The following MAPK8IP3 variants were observed in gnomAD, a reference collection of about 807,000 sequenced individuals.
MAPK8IP3 encodes C-Jun-amino-terminal kinase-interacting protein 3.
In MAPK8IP3, 49 loss-of-function variants were observed where a neutral mutation model predicts 157.8. That is an observed-to-expected ratio of 0.31 (90% CI 0.25 to 0.39). MAPK8IP3 has a LOEUF of 0.39. MAPK8IP3 is among the 10% of genes least tolerant of loss of function. The pLI, the probability that MAPK8IP3 is intolerant of heterozygous loss-of-function variation, is 1.00. For missense variants in MAPK8IP3, 1,478 were observed against 1,889.4 expected (o/e 0.78, Z 4.04); for synonymous variants, 897 against 777.7 (o/e 1.15, Z -2.55).
chr16:1,767,961 G>T (rs1462103406), intron 28 of MAPK8IP3, 43 bp downstream of exon 28: 13 of 1,607,174 alleles, frequency 8.1e-6, no homozygotes, highest in Admixed American at 1.7e-5. Context: ...TGCTGCCAGA[G>T]GTGTACGTGG....
chr16:1,768,702 G>A lies in MAPK8IP3; in HGVS notation c.3893-1G>A. 1.2e-6 allele frequency: 2 copies of A among 1,612,130 alleles called. No individual in the cohort carries two copies. Among genetic ancestry groups the A allele is most frequent in the Non-Finnish European group, 1.7e-6 (2 of 1,179,450 alleles). On this transcript the variant is annotated splice_acceptor_variant, in intron 31 of 31. Transcript: ENST00000610761. LOFTEE classifies it high-confidence loss of function. ...CCGTCACTCTGCTGCTTTGCCCGCAGGAGACGGAGAGGACGACGAGACGGA... is the reference window on the plus strand; with the variant it reads ...CCGTCACTCTGCTGCTTTGCCCGCAAGAGACGGAGAGGACGACGAGACGGA...
At chr16:1,729,914 T>C (rs1339337826) in intron 4 of MAPK8IP3, among the ~76,000 whole-genome samples, 1 of 152,234 alleles carries the variant, frequency 6.6e-6, no homozygotes, top group Non-Finnish European at 1.5e-5. Context: ...CGCTAAAATA[T>C]ATCTGTGACC....
At chr16:1,763,045 G>A (rs1015216136) in intron 16 of MAPK8IP3, 39 bp downstream of exon 16, 2 of 1,609,212 alleles carry the variant, frequency 1.2e-6, no homozygotes, top group Non-Finnish European at 1.7e-6. Context: ...CCTGCAATGG[G>A]GTTGGGGAGG....
intron 8 of MAPK8IP3, among the ~76,000 whole-genome samples, chr16:1,757,616 C>T (rs1196044894): frequency 6.6e-6 from 1 of 152,208 alleles, no homozygotes; most frequent in Non-Finnish European, 1.5e-5. Flanking sequence ...TCTCTCTGCC[C>T]TCCACAGTGG....
At position 1,766,611 on chromosome 16, in the gene MAPK8IP3, G is replaced by A; in HGVS notation, c.2902G>A (p.Ala968Thr). ...GGACCCCACGGGAGCAGGCAGCAGTGCTGCACCCACCATGTGGCTGGGAGC... is the reference window on the plus strand; with the variant it reads ...GGACCCCACGGGAGCAGGCAGCAGTACTGCACCCACCATGTGGCTGGGAGC... ...SGDPTGAGSS[A>T]APTMWLGAQN... Residue 968 changes from alanine (A) to threonine (T), a missense_variant, in exon 23 of 32, where the codon GCT becomes ACT. Transcript: ENST00000610761. The A allele has an allele frequency of 6.2e-7, 1 of 1,612,452 alleles. No individual in the cohort carries two copies.
In MAPK8IP3 at chr16:1,768,918, C is replaced by A; in HGVS notation, c.*94C>A. On this transcript the variant is annotated 3_prime_UTR_variant, in exon 32 of 32. Transcript: ENST00000610761. ...GGGTAGCCAGCCAGGCGCCGCCGCC[C>A]CTCTTCTAACCTCTCAACCTGCAGC... is the stretch of plus-strand genomic sequence containing the variant. The A allele has an allele frequency of 7.2e-7, 1 of 1,394,970 alleles. No homozygotes were observed. Among genetic ancestry groups the A allele is most frequent in the Non-Finnish European group, 9.8e-7 (1 of 1,020,248 alleles). 86.4% of individuals were successfully genotyped at this position (1,394,970 alleles called of 1,614,324 possible). A position where few individuals can be genotyped will look rare whatever the true frequency, so the allele number is the denominator to read the frequency against.
chr16:1,754,958 C>G (rs140086151), intron 8 of MAPK8IP3, among the ~76,000 whole-genome samples: 2 of 152,154 alleles, frequency 1.3e-5, no homozygotes, highest in Non-Finnish European at 2.9e-5. Flanking sequence ...CACAGGAATC[C>G]GTTCATTACC....
chr16:1,706,887 G>C lies in MAPK8IP3; in HGVS notation c.318+230G>C, dbSNP rs2037431890. Among the ~76,000 whole-genome samples, 1 of 45,208 alleles carries C rather than the reference G, an allele frequency of 2.2e-5. No homozygotes were observed. Among genetic ancestry groups the C allele is most frequent in the Non-Finnish European group, 4.1e-5 (1 of 24,670 alleles). The allele number at this position is 45,208 out of a possible 152,430, so 29.7% of individuals were successfully genotyped here. A position where few individuals can be genotyped will look rare whatever the true frequency, so the allele number is the denominator to read the frequency against. On this transcript the variant is annotated intron_variant, in intron 1 of 31. Transcript: ENST00000610761. The surrounding 1 kb of genome is among the most constrained non-coding windows in gnomAD (Gnocchi z 5.1). ...AGACACCTCCCTAGAGCACTCCCCC[G>C]CCTGCCCCGGGACCCCACCCCGACT...
chr16:1,762,677 C>T lies in MAPK8IP3; in HGVS notation c.1673C>T (p.Ala558Val), dbSNP rs761016475. The T allele has an allele frequency of 4.5e-6, 7 of 1,552,066 alleles. No individual in the cohort carries two copies. Among genetic ancestry groups the T allele is most frequent in the African/African-American group, 2.7e-5 (2 of 73,296 alleles). The change falls in exon 15 of 32, where the codon GCG (alanine) becomes GTG (valine). Residue 558 changes from alanine to valine, a missense_variant and splice_region_variant. By Grantham distance (64) the Ala-to-Val change is moderately conservative. Coordinates refer to ENST00000610761, the MANE Select transcript of MAPK8IP3 (RefSeq NM_001318852.2). ...EAVRWTEMIR[A>V]SREHPSVQEK... is the part of the protein sequence containing the mutation. Reference sequence around the variant, plus strand: ...GCTCCCTGTGCCCTCCCCTGCAGAGCGTCCCGAGAGCACCCATCCGTCCAG... The same window carrying T: ...GCTCCCTGTGCCCTCCCCTGCAGAGTGTCCCGAGAGCACCCATCCGTCCAG...
chr16:1,746,997 T>C (rs1313224149), intron 5 of MAPK8IP3, 32 bp from the exon 6 acceptor site: 1 of 1,607,276 alleles, frequency 6.2e-7, no homozygotes, highest in Admixed American at 1.7e-5. Context: ...CTGCAGTGAC[T>C]CGCTCTCCCT....
intron 7 of MAPK8IP3, 97 bp from the exon 8 acceptor site, chr16:1,748,505 A>G: frequency 8.4e-7 from 1 of 1,187,458 alleles, no homozygotes. Context: ...TGGGCATTGA[A>G]TGGCCACGGT....
chr16:1,748,391 T>G, intron 7 of MAPK8IP3, 45 bp downstream of exon 7: 1 of 1,520,026 alleles, frequency 6.6e-7, no homozygotes, highest in East Asian at 2.3e-5. Context: ...GCTCAGTATT[T>G]ATCCAAGTCG....
chr16:1,766,677 G>A, intron 23 of MAPK8IP3, 29 bp downstream of exon 23: 1 of 1,612,514 alleles, frequency 6.2e-7, no homozygotes, highest in African/African-American at 1.3e-5. Context: ...AAGGTGGAGG[G>A]AGGGTCCTGG....
At chr16:1,762,280 C>A in intron 13 of MAPK8IP3, 71 bp from the exon 14 acceptor site, 1 of 1,490,380 alleles carries the variant, frequency 6.7e-7, no homozygotes, top group Non-Finnish European at 8.9e-7. Context: ...TACGTGTAGG[C>A]ACCCCAGGAG....
intron 4 of MAPK8IP3, among the ~76,000 whole-genome samples, chr16:1,735,982 C>T (rs55919020): frequency 1.5e-5 from 2 of 130,666 alleles, no homozygotes; most frequent in African/African-American, 5.8e-5. Flanking sequence ...GTGTGACCGT[C>T]CATGTGAGCA....
Position 1,742,127 on chromosome 16 carries a change from G to A in MAPK8IP3, c.603-1205G>A, listed in dbSNP as rs1410575790. On this transcript the variant is annotated intron_variant, in intron 4 of 31. Coordinates refer to ENST00000610761, the MANE Select transcript of MAPK8IP3 (RefSeq NM_001318852.2). The surrounding 1 kb of genome is among the most constrained non-coding windows in gnomAD (Gnocchi z 5.0). ...CTTAATTCTTGTCCTGAATAGCCCT[G>A]AGCAGTGTGGGCTCCAGCATCTGAC... 6.6e-6 allele frequency among the ~76,000 whole-genome samples: 1 copy of A among 152,182 alleles called. No homozygotes were observed. Among genetic ancestry groups the A allele is most frequent in the African/African-American group, 2.4e-5 (1 of 41,438 alleles).
intron 20 of MAPK8IP3, 111 bp downstream of exon 20, chr16:1,765,289 G>A (rs1213296543): frequency 1.5e-5 from 19 of 1,290,240 alleles, no homozygotes; most frequent in South Asian, 4.6e-5. Flanking sequence ...CTGTGGACAC[G>A]GGAATGTGGC....
At chr16:1,758,232 G>A (rs1215208974) in intron 9 of MAPK8IP3, 73 bp downstream of exon 9, 2 of 1,570,690 alleles carry the variant, frequency 1.3e-6, no homozygotes, top group Non-Finnish European at 1.7e-6. Flanking sequence ...GATGCCCCGA[G>A]CTATCCCGTC....
chr16:1,756,828 TAAA>T (rs939242604), intron 8 of MAPK8IP3, among the ~76,000 whole-genome samples: 1 of 151,794 alleles, frequency 6.6e-6, no homozygotes, highest in Non-Finnish European at 1.5e-5. Flanking sequence ...TCTCAAAAAA[TAAA>T]TAAAGGCATC....
Sources: allele counts gnomAD v4.1 joint callset (sites outside exome capture counted in the v4.1 genomes callset), GRCh38; gene constraint gnomAD v4.1.1; non-coding constraint Gnocchi (gnomAD v3.1); transcripts MANE v1.5; gene names NCBI Gene and HGNC (gene_info 2026-07-23, HGNC 2026-07-21).